TRPM1: variants seen among roughly 807,000 people sequenced by gnomAD.
TRPM1 encodes the protein TRPM1-203 APA Isoform, Intron 10.
Under a neutral mutation model 149.4 loss-of-function variants are expected in TRPM1, and 113 were observed. The ratio of observed to expected loss-of-function variants is 0.76; its 90% CI spans 0.65 to 0.88. The LOEUF (loss-of-function observed/expected upper bound fraction) is 0.88. Among genes scored for constraint, TRPM1 ranks in the 40% least tolerant of loss-of-function variants. The probability of loss-of-function intolerance (pLI) is 0.00; values close to 1 mark genes in which losing one functional copy is unlikely to be tolerated. For synonymous variants in TRPM1, 741 were observed against 759.5 expected (o/e 0.98, Z 0.40); for missense variants, 1,976 against 2,038.7 (o/e 0.97, Z 0.59).
upstream of TRPM1, among the ~76,000 whole-genome samples, chr15:31,102,312 T>C (rs975494957): frequency 1.3e-5 from 2 of 152,134 alleles, no homozygotes; most frequent in African/African-American, 4.8e-5. Context: ...GGAGCTCTGT[T>C]GGATTTGCTG....
At chr15:31,104,586 CTTTTTTTTT>C (rs928062797), upstream of TRPM1, among the ~76,000 whole-genome samples, 1 of 87,466 alleles carries the variant, frequency 1.1e-5, no homozygotes, top group Non-Finnish European at 2.0e-5. Context: ...GGTGATCTTC[CTTTTTTTTT>C]TTTTTTTTTT....
chr15:31,015,136 G>C (rs942210381), intron 27 of TRPM1, among the ~76,000 whole-genome samples: 1 of 121,636 alleles, frequency 8.2e-6, no homozygotes, highest in African/African-American at 3.3e-5. Flanking sequence ...GGCTGGGCAC[G>C]GTGGCTCACG....
chr15:31,026,463 C>A, intron 26 of TRPM1, 192 bp from the exon 27 acceptor site: 1 of 705,124 alleles, frequency 1.4e-6, no homozygotes. Context: ...CAGTTGGAGC[C>A]AAACGGCCCG....
At chr15:31,109,698 TAAAAAAAAA>T (rs71420547) in intron 1 of TRPM1, among the ~76,000 whole-genome samples, 1 of 123,124 alleles carries the variant, frequency 8.1e-6, no homozygotes, top group East Asian at 2.5e-4. Context: ...AGACTCTGTC[TAAAAAAAAA>T]AAAAAAAACC....
chr15:31,097,700 T>C (rs2141010979), intron 1 of TRPM1, among the ~76,000 whole-genome samples: 1 of 151,498 alleles, frequency 6.6e-6, no homozygotes, highest in South Asian at 2.1e-4. Context: ...AAAAAAAGCG[T>C]AGTAAAATAT....
intron 15 of TRPM1, 97 bp from the exon 16 acceptor site, chr15:31,046,330 AT>A (rs1380584799): frequency 8.9e-7 from 1 of 1,124,432 alleles, no homozygotes; most frequent in African/African-American, 1.6e-5. Flanking sequence ...ATACGAATGG[AT>A]TAAAAAGCAC....
intron 1 of TRPM1, among the ~76,000 whole-genome samples, chr15:31,089,647 C>T (rs947458492): frequency 6.6e-6 from 1 of 152,216 alleles, no homozygotes; most frequent in Admixed American, 6.5e-5. Flanking sequence ...CGGGTCCAGG[C>T]CCAGCTACCC....
intron 27 of TRPM1, among the ~76,000 whole-genome samples, chr15:31,011,784 C>T (rs1042908801): frequency 6.6e-6 from 1 of 151,902 alleles, no homozygotes; most frequent in Non-Finnish European, 1.5e-5. Context: ...CGTGCCTCAG[C>T]CTCCTGAGTA....
chr15:31,081,288 G>A, intron 2 of TRPM1, 65 bp downstream of exon 2: 2 of 806,918 alleles, frequency 2.5e-6, no homozygotes, highest in Non-Finnish European at 3.8e-6. Context: ...ACGCTAGCAT[G>A]TGACTAACGT....
chr15:31,070,797 C>T (rs541133400), intron 3 of TRPM1, among the ~76,000 whole-genome samples: 15 of 152,268 alleles, frequency 9.9e-5, no homozygotes, highest in African/African-American at 1.9e-4. Flanking sequence ...TCAAGCAATC[C>T]GCCTGCCTTG....
At chr15:31,020,805 G>T (rs1321276431) in intron 27 of TRPM1, among the ~76,000 whole-genome samples, 1 of 152,152 alleles carries the variant, frequency 6.6e-6, no homozygotes, top group Non-Finnish European at 1.5e-5. Flanking sequence ...CTGCATGCTT[G>T]TCTCTCTGTC....
chr15:31,139,291 C>T (rs1375179445), intron 1 of TRPM1, among the ~76,000 whole-genome samples: 1 of 152,202 alleles, frequency 6.6e-6, no homozygotes, highest in Non-Finnish European at 1.5e-5. Context: ...CCACTCTTTT[C>T]TACCTTTTTA....
In TRPM1 at chr15:31,159,759, T is replaced by C. The variant is rs536137769; in HGVS notation, c.54+1147A>G. Among the ~76,000 whole-genome samples, 14 of 152,322 alleles carry C rather than the reference T, an allele frequency of 9.2e-5. No homozygotes were observed. In the South Asian group the frequency reaches 2.3e-3, roughly 25 times the overall value. On this transcript the variant is annotated intron_variant, in intron 1 of 26. Coordinates refer to the TRPM1 transcript ENST00000542188. ...CAACATCTGCTTCTGCCCCATTTTATGGACGGGGAGACTGCAGCCTGGTGA... is the reference window on the plus strand; with the variant it reads ...CAACATCTGCTTCTGCCCCATTTTACGGACGGGGAGACTGCAGCCTGGTGA...
intron 3 of TRPM1, among the ~76,000 whole-genome samples, chr15:31,072,018 T>TATATAGAGAGAGAGAG (rs1400392427): frequency 1.4e-4 from 5 of 36,904 alleles, no homozygotes; most frequent in African/African-American, 5.6e-4. Flanking sequence ...TATATATATA[T>TATATAGAGAGAGAGAG]AGAGAGAGAG....
intron 11 of TRPM1, among the ~76,000 whole-genome samples, chr15:31,059,975 T>A (rs545252436): frequency 1.3e-4 from 20 of 151,654 alleles, no homozygotes; most frequent in Non-Finnish European, 2.5e-4. Context: ...GCTCATCCCA[T>A]ATCACACACA....
At chr15:31,041,738 CA>C (rs1283761071) in intron 17 of TRPM1, among the ~76,000 whole-genome samples, 4 of 152,112 alleles carry the variant, frequency 2.6e-5, no homozygotes, top group Admixed American at 6.5e-5. Flanking sequence ...AATTTTGATG[CA>C]AAGAGAAGGC....
chr15:31,032,710 G>A lies in TRPM1; in HGVS notation c.2931C>T (p.Tyr977=), dbSNP rs1014808469. The A allele has an allele frequency of 9.9e-6, 16 of 1,613,962 alleles. No individual in the cohort carries two copies. In the East Asian group the frequency reaches 1.3e-4, roughly 13 times the overall value. The change falls in exon 22 of 28, where the codon TAC becomes TAT. Residue 977 remains tyrosine (Y), a synonymous_variant. Coordinates refer to ENST00000256552, the MANE Select transcript of TRPM1 (RefSeq NM_001252024.2). The stretch of plus-strand genomic sequence containing the variant: ...TAACCATCTTTCCAATCATCATCAC[G>A]TATGGCCCCAGATACTTGTTGACAC... ...IFGVNKYLGP[Y]VMMIGKMMID... is the part of the protein sequence containing the mutation.
At position 31,134,883 on chromosome 15, in the gene TRPM1, A is replaced by G. The variant is rs568527315; in HGVS notation, c.54+26023T>C. On this transcript the variant is annotated intron_variant, in intron 1 of 26. Coordinates refer to the TRPM1 transcript ENST00000542188. The stretch of plus-strand genomic sequence containing the variant: ...CTGGGTGTGGTGGCCCATGCCTGTA[A>G]TCCCAGCTACTTGGGAGGCTGAGGC... Among the ~76,000 whole-genome samples, 6 of 152,294 alleles carry G rather than the reference A, an allele frequency of 3.9e-5. No individual in the cohort carries two copies. The East Asian group carries it at 9.6e-4, about 24-fold the overall frequency.
intron 6 of TRPM1, 48 bp from the exon 7 acceptor site, chr15:31,066,295 A>T (rs1424168905): frequency 6.2e-7 from 1 of 1,608,928 alleles, no homozygotes; most frequent in Non-Finnish European, 8.5e-7. Context: ...TTGGATGTTA[A>T]GACCAACAAG....
Sources: gnomAD v4.1 joint callset for allele counts (sites outside exome capture counted in the v4.1 genomes callset) on GRCh38, gnomAD v4.1.1 for gene constraint, MANE v1.5 for transcripts, NCBI Gene and HGNC (gene_info 2026-07-23, HGNC 2026-07-21) for gene names.